The following CSMD1 variants were observed in gnomAD, a reference collection of about 807,000 sequenced individuals.
CSMD1 encodes the protein CUB and sushi domain-containing protein 1.
Under a neutral mutation model 417.5 loss-of-function variants are expected in CSMD1, and 213 were observed. The observed-to-expected ratio is 0.51, with a 90% confidence interval of 0.46 to 0.57. The LOEUF is 0.57. Among genes scored for constraint, CSMD1 ranks in the 20% least tolerant of loss-of-function variants. The pLI is 0.00. For synonymous variants in CSMD1, 2,862 were observed against 1,736.8 expected (o/e 1.65, Z -16.11); for missense variants, 6,923 against 4,529.7 (o/e 1.53, Z -15.17).
At chr8:4,936,036 G>C (rs1159304212) in intron 1 of CSMD1, among the ~76,000 whole-genome samples, 2 of 152,222 alleles carry the variant, frequency 1.3e-5, no homozygotes, top group Non-Finnish European at 2.9e-5. Context: ...GCATTAGGGA[G>C]TGAAGACTTA....
intron 2 of CSMD1, among the ~76,000 whole-genome samples, chr8:4,434,252 G>A (rs1006648964): frequency 1.3e-5 from 2 of 152,168 alleles, no homozygotes; most frequent in Non-Finnish European, 2.9e-5. Flanking sequence ...GGCTGTAAAA[G>A]CTACTCAGGA....
intron 1 of CSMD1, among the ~76,000 whole-genome samples, chr8:4,873,112 G>A (rs776484293): frequency 1.3e-5 from 2 of 151,906 alleles, no homozygotes; most frequent in African/African-American, 4.8e-5. Flanking sequence ...CCAAAATGAA[G>A]GTATATAACA....
intron 1 of CSMD1, among the ~76,000 whole-genome samples, chr8:4,914,619 T>C (rs1805930819): frequency 6.7e-6 from 1 of 150,260 alleles, no homozygotes; most frequent in Non-Finnish European, 1.5e-5. Flanking sequence ...GATAGAAATA[T>C]AACGGTCGCC....
chr8:4,911,352 T>A (rs1201732572), intron 1 of CSMD1, among the ~76,000 whole-genome samples: 1 of 152,192 alleles, frequency 6.6e-6, no homozygotes, highest in Non-Finnish European at 1.5e-5. Flanking sequence ...GACAATTATT[T>A]TTGAAAATCA....
At chr8:3,287,489 T>C (rs1803248429) in intron 25 of CSMD1, among the ~76,000 whole-genome samples, 1 of 152,134 alleles carries the variant, frequency 6.6e-6, no homozygotes, top group Non-Finnish European at 1.5e-5. Context: ...GAGCAGTGGT[T>C]TGTAGTTCTC....
At chr8:4,335,069 T>G (rs1800091457) in intron 3 of CSMD1, among the ~76,000 whole-genome samples, 1 of 152,126 alleles carries the variant, frequency 6.6e-6, no homozygotes, top group Non-Finnish European at 1.5e-5. Context: ...ATCTGACTAA[T>G]TTTTGTACTT....
At chr8:3,631,500 G>A (rs1172912576) in intron 7 of CSMD1, among the ~76,000 whole-genome samples, 1 of 152,194 alleles carries the variant, frequency 6.6e-6, no homozygotes, top group Non-Finnish European at 1.5e-5. Flanking sequence ...CAGATAGGCC[G>A]GGAATAGCTT....
intron 6 of CSMD1, among the ~76,000 whole-genome samples, chr8:3,744,992 G>T (rs1477252876): frequency 4.6e-5 from 7 of 152,138 alleles, no homozygotes; most frequent in Admixed American, 4.6e-4. Flanking sequence ...TAGAGTAGCT[G>T]GGGCTGGGAG....
intron 1 of CSMD1, among the ~76,000 whole-genome samples, chr8:4,736,519 C>T (rs1313791747): frequency 5.3e-5 from 8 of 152,046 alleles, no homozygotes; most frequent in Admixed American, 2.0e-4. Context: ...GCATACACTG[C>T]GGCCATGACA....
At chr8:3,980,812 C>A (rs750331911) in intron 5 of CSMD1, among the ~76,000 whole-genome samples, 3 of 152,278 alleles carry the variant, frequency 2.0e-5, no homozygotes, top group African/African-American at 4.8e-5. Context: ...CCTTGGCCAA[C>A]CACTAATGTC....
chr8:4,894,194 A>G (rs1397601555), intron 1 of CSMD1, among the ~76,000 whole-genome samples: 1 of 152,096 alleles, frequency 6.6e-6, no homozygotes, highest in East Asian at 1.9e-4. Context: ...TATATGTCTT[A>G]TCAGATATGC....
chr8:3,834,664 G>C (rs988484449), intron 5 of CSMD1, among the ~76,000 whole-genome samples: 5 of 152,064 alleles, frequency 3.3e-5, no homozygotes, highest in Admixed American at 6.6e-5. Flanking sequence ...CCTGATGGTG[G>C]TTTAGGGATC....
chr8:4,138,185 G>A (rs994782289), intron 3 of CSMD1, among the ~76,000 whole-genome samples: 4 of 144,618 alleles, frequency 2.8e-5, no homozygotes, highest in African/African-American at 1.0e-4. Flanking sequence ...AAAGTGCTGG[G>A]ATTACAGGCG....
chr8:3,487,432 A>C (rs1585238005), intron 11 of CSMD1, among the ~76,000 whole-genome samples: 1 of 151,920 alleles, frequency 6.6e-6, no homozygotes, highest in Non-Finnish European at 1.5e-5. Flanking sequence ...CGTTCTCCTG[A>C]CCTCGTGATC....
rs77997364 is a variant in CSMD1, at chr8:3,152,727, C to G, written c.5915-1214G>C. 9.0e-3 allele frequency among the ~76,000 whole-genome samples: 1,371 copies of G among 152,310 alleles called. 7 individuals carry two copies. The highest frequency in any genetic ancestry group is 0.014 in the South Asian group (67 of 4,830). On this transcript the variant is annotated intron_variant, in intron 39 of 69. Coordinates refer to ENST00000635120, the MANE Select transcript of CSMD1 (RefSeq NM_033225.6). ...CTGGAAAAGTCTTGGACACCATCAACTGTGTTGCTATTTAAAGTATAACCT... is the reference window on the plus strand; with the variant it reads ...CTGGAAAAGTCTTGGACACCATCAAGTGTGTTGCTATTTAAAGTATAACCT...
chr8:4,834,303 T>C (rs1452104520), intron 1 of CSMD1, among the ~76,000 whole-genome samples: 1 of 152,160 alleles, frequency 6.6e-6, no homozygotes, highest in Non-Finnish European at 1.5e-5. Context: ...ACACGTTACA[T>C]ACTGGGAACA....
Position 3,074,615 on chromosome 8 carries a change from G to A in CSMD1, c.7474+12482C>T, listed in dbSNP as rs564442027. ...TCACTTTCAAGAAATTGTATCCTGT[G>A]GCAATGAGTGGAAGAAAGTGCAAAG... On this transcript the variant is annotated intron_variant, in intron 49 of 69. Transcript: ENST00000635120. Among the ~76,000 whole-genome samples the A allele has an allele frequency of 2.8e-4, 43 of 152,306 alleles. No individual in the cohort carries two copies. The South Asian group carries it at 4.1e-3, about 15-fold the overall frequency.
chr8:4,796,922 T>C (rs556503961), intron 1 of CSMD1, among the ~76,000 whole-genome samples: 15 of 152,276 alleles, frequency 9.9e-5, no homozygotes, highest in African/African-American at 3.6e-4. Flanking sequence ...TCTCTGAGTG[T>C]GGCTGCATGG....
chr8:4,011,612 T>G (rs17068540), intron 4 of CSMD1, among the ~76,000 whole-genome samples: 1 of 152,214 alleles, frequency 6.6e-6, no homozygotes. Context: ...TCAGTGACAT[T>G]TAACATTCAT....
Sources: gnomAD v4.1 joint callset for allele counts (sites outside exome capture counted in the v4.1 genomes callset) on GRCh38, gnomAD v4.1.1 for gene constraint, MANE v1.5 for transcripts, NCBI Gene and HGNC (gene_info 2026-07-23, HGNC 2026-07-21) for gene names.